HNRNPM: variants seen among roughly 807,000 people sequenced by gnomAD.
The protein encoded by HNRNPM is CEA receptor.
Under a neutral mutation model 73.1 loss-of-function variants are expected in HNRNPM, and 11 were observed. That is an observed-to-expected ratio of 0.15 (90% CI 0.09 to 0.25). The LOEUF (loss-of-function observed/expected upper bound fraction) is 0.25, where lower values mean the gene tolerates loss of function less well. HNRNPM is among the 10% of genes least tolerant of loss of function. The pLI is 1.00. For missense variants in HNRNPM, 789 were observed against 1,067.9 expected (o/e 0.74, Z 3.64); for synonymous variants, 407 against 355.2 (o/e 1.15, Z -1.64).
intron 7 of HNRNPM, among the ~76,000 whole-genome samples, chr19:8,467,133 A>G (rs1459566677): frequency 1.3e-5 from 2 of 152,126 alleles, no homozygotes; most frequent in Non-Finnish European, 2.9e-5. Context: ...TCCCTTGGAG[A>G]GTACCCCACA....
At chr19:8,477,121 A>G (rs7408960) in intron 12 of HNRNPM, among the ~76,000 whole-genome samples, 144,016 of 152,224 alleles carry the variant, frequency 0.95, 68,647 homozygotes, top group East Asian at 1. Context: ...CATCGCACCT[A>G]TCTTACCTGA....
At chr19:8,477,600 C>T (rs866878080) in intron 12 of HNRNPM, among the ~76,000 whole-genome samples, 16 of 145,972 alleles carry the variant, frequency 1.1e-4, no homozygotes, top group Middle Eastern at 7.0e-3. Context: ...TGCAGTGAAG[C>T]ATGATCACGC....
At chr19:8,445,918 TC>T (rs2145592755) in intron 1 of HNRNPM, among the ~76,000 whole-genome samples, 1 of 152,360 alleles carries the variant, frequency 6.6e-6, no homozygotes, top group Admixed American at 6.5e-5. Context: ...TTCATTTACT[TC>T]CAGACTTCAT....
chr19:8,473,560 TTTCTTTTGAG>T, intron 10 of HNRNPM, 94 bp from the exon 11 acceptor site: 1 of 742,930 alleles, frequency 1.3e-6, no homozygotes, highest in African/African-American at 1.8e-5. Flanking sequence ...CATCAGGGAT[TTTCTTTTGAG>T]TTCTTTTGCT....
intron 2 of HNRNPM, among the ~76,000 whole-genome samples, chr19:8,461,089 C>T (rs1466662045): frequency 6.6e-6 from 1 of 152,200 alleles, no homozygotes; most frequent in East Asian, 1.9e-4. Flanking sequence ...TTCCGTTCTT[C>T]ATTTCTTTGC....
chr19:8,483,567 A>G (rs1227512935), intron 13 of HNRNPM, among the ~76,000 whole-genome samples: 1 of 152,164 alleles, frequency 6.6e-6, no homozygotes, highest in South Asian at 2.1e-4. Flanking sequence ...AAGTAAATAT[A>G]TTTTCCTTAG....
chr19:8,478,685 C>CT (rs1395949033), intron 12 of HNRNPM, among the ~76,000 whole-genome samples: 51 of 152,274 alleles, frequency 3.3e-4, no homozygotes, highest in Middle Eastern at 3.4e-3. Context: ...CATTATTTGT[C>CT]TTTAAGTCTT....
chr19:8,480,866 G>A (rs1444569504), intron 12 of HNRNPM, among the ~76,000 whole-genome samples: 1 of 152,060 alleles, frequency 6.6e-6, no homozygotes, highest in Non-Finnish European at 1.5e-5. Flanking sequence ...TGTCCTGACC[G>A]GCAGGGCGCC....
intron 1 of HNRNPM, among the ~76,000 whole-genome samples, chr19:8,454,082 T>C (rs115136903): frequency 0.04 from 6,099 of 152,152 alleles, 269 homozygotes; most frequent in African/African-American, 0.11. Flanking sequence ...CTTTCTGGAT[T>C]TTTAAAAAGT....
At chr19:8,446,561 C>T (rs2145595534) in intron 1 of HNRNPM, among the ~76,000 whole-genome samples, 1 of 152,252 alleles carries the variant, frequency 6.6e-6, no homozygotes, top group Non-Finnish European at 1.5e-5. Flanking sequence ...AGGCGCGGCA[C>T]CACCATGCCC....
chr19:8,470,331 C>T (rs920263774), intron 9 of HNRNPM, among the ~76,000 whole-genome samples: 2 of 152,092 alleles, frequency 1.3e-5, no homozygotes, highest in African/African-American at 4.8e-5. Flanking sequence ...TTCCTTTCTT[C>T]CTTTTTCTTT....
At chr19:8,471,520 A>G in intron 10 of HNRNPM, 93 bp downstream of exon 10, 1 of 573,660 alleles carries the variant, frequency 1.7e-6, no homozygotes, top group Non-Finnish European at 2.9e-6. Context: ...TAAATGGAAT[A>G]AATATTTAAC....
At chr19:8,484,792 C>T (rs572931632) in intron 13 of HNRNPM, among the ~76,000 whole-genome samples, 3 of 152,276 alleles carry the variant, frequency 2.0e-5, no homozygotes, top group African/African-American at 4.8e-5. Flanking sequence ...GCCCCAAACT[C>T]GGCATGTGGA....
chr19:8,479,172 A>G (rs1599837536), intron 12 of HNRNPM, among the ~76,000 whole-genome samples: 1 of 124,436 alleles, frequency 8.0e-6, no homozygotes. Context: ...TGCGGCCTCC[A>G]CCTCCCGGTT....
In HNRNPM at chr19:8,465,817, C is replaced by T. The variant is rs11880460; in HGVS notation, c.630+302C>T. Among the ~76,000 whole-genome samples the T allele has an allele frequency of 9.9e-3, 1,506 of 152,092 alleles. 27 individuals are homozygous for T. Among genetic ancestry groups the T allele is most frequent in the African/African-American group, 0.035 (1,457 of 41,458 alleles). On this transcript the variant is annotated intron_variant, in intron 6 of 15. Coordinates refer to ENST00000325495, the MANE Select transcript of HNRNPM (RefSeq NM_005968.5). Reference sequence around the variant, plus strand: ...AGTTTTGGTGCAGAGTAAGACTGTACGAGCAGAAGTGCACTGACACCTTCC... The same window carrying T: ...AGTTTTGGTGCAGAGTAAGACTGTATGAGCAGAAGTGCACTGACACCTTCC...
rs113038044 is a variant in HNRNPM at position 8,487,418 on chromosome 19, C to T, written c.2029+343C>T. On this transcript the variant is annotated intron_variant, in intron 15 of 15. Coordinates refer to ENST00000325495, the MANE Select transcript of HNRNPM (RefSeq NM_005968.5). Reference sequence around the variant, plus strand: ...TAAATAAATACATCCCAGACGAGGTCGCTTTCCCCTCAGCACAGCTGGTGT... The same window carrying T: ...TAAATAAATACATCCCAGACGAGGTTGCTTTCCCCTCAGCACAGCTGGTGT... The T allele has an allele frequency of 5.6e-3, 1,614 of 289,516 alleles. 31 individuals carry two copies. Among genetic ancestry groups the T allele is most frequent in the African/African-American group, 0.033 (1,506 of 45,438 alleles). 17.9% of individuals were successfully genotyped at this position (289,516 alleles called of 1,614,324 possible). A position where few individuals can be genotyped will look rare whatever the true frequency, so the allele number is the denominator to read the frequency against.
At chr19:8,446,734 A>G (rs1263137181) in intron 1 of HNRNPM, among the ~76,000 whole-genome samples, 2 of 152,098 alleles carry the variant, frequency 1.3e-5, no homozygotes, top group Admixed American at 6.6e-5. Flanking sequence ...AACGTTCCCT[A>G]AGTGCTAGCT....
chr19:8,454,666 A>C (rs1599756863), intron 1 of HNRNPM, among the ~76,000 whole-genome samples: 6 of 104,718 alleles, frequency 5.7e-5, no homozygotes, highest in East Asian at 3.1e-4. Flanking sequence ...CGGCTGCATC[A>C]TTTTATGCCC....
At chr19:8,450,966 G>A (rs1968574297) in intron 1 of HNRNPM, among the ~76,000 whole-genome samples, 2 of 151,940 alleles carry the variant, frequency 1.3e-5, no homozygotes, top group African/African-American at 4.8e-5. Context: ...GAGTGCAATG[G>A]CATAATCTCG....
Sources: gnomAD v4.1 joint callset for allele counts (sites outside exome capture counted in the v4.1 genomes callset) on GRCh38, gnomAD v4.1.1 for gene constraint, MANE v1.5 for transcripts, NCBI Gene and HGNC (gene_info 2026-07-23, HGNC 2026-07-21) for gene names.